NEK10: variants seen among roughly 807,000 people sequenced by gnomAD.
The protein encoded by NEK10 is serine/threonine-protein kinase Nek10.
A neutral mutation model predicts 159.8 loss-of-function variants in NEK10; 122 were observed. The ratio of observed to expected loss-of-function variants is 0.76; its 90% confidence interval spans 0.66 to 0.89. NEK10 has a LOEUF of 0.89. NEK10 is among the 40% of genes least tolerant of loss of function. The probability of loss-of-function intolerance (pLI) is 0.00; values close to 1 mark genes in which losing one functional copy is unlikely to be tolerated. For missense variants in NEK10, 1,342 were observed against 1,323.1 expected, an observed-to-expected ratio of 1.01 and a Z score of -0.22; for synonymous variants, 466 against 457.1, an observed-to-expected ratio of 1.02 and a Z score of -0.25.
intron 28 of NEK10, 44 bp downstream of exon 28, chr3:27,174,395 C>T: frequency 6.2e-7 from 1 of 1,606,896 alleles, no homozygotes; most frequent in Non-Finnish European, 8.5e-7. Flanking sequence ...AAACCACTGT[C>T]TTCCGGAATC....
intron 5 of NEK10, among the ~76,000 whole-genome samples, chr3:27,324,522 A>G (rs1196325088): frequency 6.6e-6 from 1 of 152,028 alleles, no homozygotes; most frequent in African/African-American, 2.4e-5. Flanking sequence ...TTCTTTGCCA[A>G]TTCCTCAGCA....
At chr3:27,237,156 AC>A (rs1312731755) in intron 23 of NEK10, among the ~76,000 whole-genome samples, 6 of 151,976 alleles carry the variant, frequency 3.9e-5, no homozygotes, top group Admixed American at 6.6e-5. Flanking sequence ...ATTCTGCCTG[AC>A]CCCGCAGGCA....
intron 32 of NEK10, among the ~76,000 whole-genome samples, chr3:27,131,420 A>C (rs1356557738): frequency 6.6e-6 from 1 of 152,198 alleles, no homozygotes; most frequent in Admixed American, 6.5e-5. Flanking sequence ...CTAGTATCTA[A>C]GGTCTAGAAG....
chr3:27,342,177 C>A (rs551616367), intron 5 of NEK10, among the ~76,000 whole-genome samples: 1 of 152,092 alleles, frequency 6.6e-6, no homozygotes, highest in Non-Finnish European at 1.5e-5. Flanking sequence ...ACAGTACATG[C>A]TTACCATTTT....
At chr3:27,207,980 C>A (rs1575252222) in intron 23 of NEK10, among the ~76,000 whole-genome samples, 1 of 152,098 alleles carries the variant, frequency 6.6e-6, no homozygotes, top group Admixed American at 6.5e-5. Flanking sequence ...CATTGTACAG[C>A]ATGTAGCAAT....
At chr3:27,224,653 T>C (rs1450737347) in intron 23 of NEK10, among the ~76,000 whole-genome samples, 2 of 152,198 alleles carry the variant, frequency 1.3e-5, no homozygotes, top group African/African-American at 4.8e-5. Context: ...CTTCCTTCCC[T>C]TCTTTGTTTC....
intron 23 of NEK10, chr3:27,206,437 G>A (rs1034523592): frequency 6.9e-5 from 12 of 174,068 alleles, no homozygotes; most frequent in Non-Finnish European, 1.1e-4. Flanking sequence ...TAGAATAAAG[G>A]AGGTCTGGAG....
intron 30 of NEK10, among the ~76,000 whole-genome samples, chr3:27,151,032 A>T (rs959553483): frequency 1.3e-5 from 2 of 152,076 alleles, no homozygotes; most frequent in Non-Finnish European, 2.9e-5. Context: ...GCTCTGGCAC[A>T]CCTAGCTCTG....
chr3:27,141,296 T>C (rs1559505803), intron 31 of NEK10, among the ~76,000 whole-genome samples, 186 bp downstream of exon 31: 2 of 152,152 alleles, frequency 1.3e-5, no homozygotes, highest in African/African-American at 2.4e-5. Flanking sequence ...GAAAATCCCA[T>C]ATATTTGCTT....
chr3:27,183,804 C>T (rs770204882), intron 26 of NEK10, among the ~76,000 whole-genome samples: 7 of 152,072 alleles, frequency 4.6e-5, no homozygotes, highest in Non-Finnish European at 8.8e-5. Context: ...TACACATACA[C>T]AAAGATATAT....
At chr3:27,256,728 A>G (rs1956220109) in intron 22 of NEK10, among the ~76,000 whole-genome samples, 2 of 152,094 alleles carry the variant, frequency 1.3e-5, no homozygotes, top group Admixed American at 1.3e-4. Flanking sequence ...AAGGCCTGAA[A>G]ACCTAAAATT....
intron 22 of NEK10, among the ~76,000 whole-genome samples, chr3:27,272,741 GGTCAAAAACCA>G (rs1361323138): frequency 2.0e-5 from 3 of 152,122 alleles, no homozygotes; most frequent in Non-Finnish European, 4.4e-5. Flanking sequence ...ATGATAACCA[GGTCAAAAACCA>G]TCCATGATGA....
intron 31 of NEK10, among the ~76,000 whole-genome samples, chr3:27,135,079 G>T (rs1943045441): frequency 6.6e-6 from 1 of 152,160 alleles, no homozygotes; most frequent in Non-Finnish European, 1.5e-5. Context: ...TTCTAGAACA[G>T]ATGCCACCAT....
chr3:27,290,686 T>C lies in NEK10; in HGVS notation c.1674A>G (p.Gly558=), dbSNP rs674303. 470,888 of 1,606,012 alleles carry C rather than the reference T, an allele frequency of 0.29. 79,244 individuals are homozygous for C. The highest frequency in any genetic ancestry group is 0.76 in the African/African-American group (56,861 of 74,716). Residue 558 remains glycine, a synonymous_variant, in exon 19 of 36, where the codon GGA becomes GGG. Transcript: ENST00000691995. The part of the protein sequence containing the change: ...KEVNLHNPAF[G]KDKKDRDSSV... ...TGCTGTCTCGATCTTTCTTATCCTT[T>C]CCAAATGCTGGGTTATGTAAATTGA...
chr3:27,193,412 C>T (rs1949282381), intron 25 of NEK10, among the ~76,000 whole-genome samples: 1 of 152,082 alleles, frequency 6.6e-6, no homozygotes, highest in African/African-American at 2.4e-5. Context: ...CAATAGTTCT[C>T]ATGGTCCAAT....
At chr3:27,176,397 C>T (rs1347183439) in intron 26 of NEK10, among the ~76,000 whole-genome samples, 2 of 152,172 alleles carry the variant, frequency 1.3e-5, no homozygotes, top group Non-Finnish European at 2.9e-5. Flanking sequence ...TAACTTACAA[C>T]CTGAGACAGG....
intron 3 of NEK10, among the ~76,000 whole-genome samples, chr3:27,350,076 A>C (rs954810011): frequency 7.2e-5 from 11 of 152,206 alleles, no homozygotes; most frequent in African/African-American, 2.4e-4. Flanking sequence ...TTTCCTCTGT[A>C]ACCTGAATTT....
At chr3:27,364,969 G>A (rs530438168) in intron 1 of NEK10, among the ~76,000 whole-genome samples, 44 of 152,296 alleles carry the variant, frequency 2.9e-4, no homozygotes, top group African/African-American at 1.0e-3. Flanking sequence ...GCCCAGTGAG[G>A]TTCATTCATT....
At chr3:27,260,096 C>G (rs141869715) in intron 22 of NEK10, among the ~76,000 whole-genome samples, 2 of 152,184 alleles carry the variant, frequency 1.3e-5, no homozygotes, top group South Asian at 4.2e-4. Flanking sequence ...CTGAAGTTGT[C>G]TATCAGCTTA....
Sources: gnomAD v4.1 joint callset for allele counts (sites outside exome capture counted in the v4.1 genomes callset) on GRCh38, gnomAD v4.1.1 for gene constraint, MANE v1.5 for transcripts, NCBI Gene and HGNC (gene_info 2026-07-23, HGNC 2026-07-21) for gene names.